SUMF2: variants seen among roughly 807,000 people sequenced by gnomAD.
SUMF2 encodes inactive C-alpha-formylglycine-generating enzyme 2.
Under a neutral mutation model 44.8 loss-of-function variants are expected in SUMF2, and 45 were observed. That is an observed-to-expected ratio of 1.00 (90% CI 0.79 to 1.29). The LOEUF (loss-of-function observed/expected upper bound fraction) is 1.29. Among genes scored for constraint, SUMF2 ranks in the 50% most tolerant of loss-of-function variants. The pLI is 0.00. For missense variants in SUMF2, 418 were observed against 389.9 expected, an observed-to-expected ratio of 1.07 and a Z score of -0.61; for synonymous variants, 148 against 150.4, an observed-to-expected ratio of 0.98 and a Z score of 0.12.
chr7:56,082,430 T>C (rs1019675121), downstream of SUMF2, among the ~76,000 whole-genome samples: 2 of 151,924 alleles, frequency 1.3e-5, no homozygotes, highest in Non-Finnish European at 2.9e-5. Context: ...CCATCTCTAC[T>C]AAAAATACAA....
At chr7:56,085,203 C>T (rs1426462691), downstream of SUMF2, among the ~76,000 whole-genome samples, 3 of 152,218 alleles carry the variant, frequency 2.0e-5, no homozygotes, top group East Asian at 1.9e-4. Flanking sequence ...TCATCTGATC[C>T]GCCTGCCTCA....
At chr7:56,082,239 G>T (rs541582462), downstream of SUMF2, 1 of 1,613,406 alleles carries the variant, frequency 6.2e-7, no homozygotes, top group Admixed American at 1.7e-5. Context: ...AGGTAACTGG[G>T]GGTCCCGCAG....
chr7:56,073,202 G>C (rs1201465676), intron 3 of SUMF2, 91 bp downstream of exon 3: 25 of 978,454 alleles, frequency 2.6e-5, no homozygotes, highest in Non-Finnish European at 4.1e-5. Flanking sequence ...ACACAGTGGA[G>C]AATCAGACCT....
intron 6 of SUMF2, among the ~76,000 whole-genome samples, chr7:56,077,465 C>T (rs367624882): frequency 6.6e-6 from 1 of 150,376 alleles, no homozygotes; most frequent in Non-Finnish European, 1.5e-5. Flanking sequence ...AGTTCAAGAC[C>T]AGCCTGGCCA....
At chr7:56,078,060 G>A in intron 6 of SUMF2, 42 bp from the exon 7 acceptor site, 3 of 1,555,024 alleles carry the variant, frequency 1.9e-6, no homozygotes, top group Middle Eastern at 1.7e-4. Flanking sequence ...GACCTGCTTT[G>A]GGACAGGTGG....
chr7:56,078,775 T>C (rs938628430), intron 8 of SUMF2: 7 of 441,432 alleles, frequency 1.6e-5, no homozygotes, highest in African/African-American at 4.0e-5. Flanking sequence ...ATCTTAATTA[T>C]GGGGTTTCTC....
intron 1 of SUMF2, among the ~76,000 whole-genome samples, chr7:56,065,476 A>G (rs569607255): frequency 5.6e-4 from 85 of 152,224 alleles, no homozygotes; most frequent in Non-Finnish European, 1.1e-3. Flanking sequence ...ATTATCTCAT[A>G]AATGGTTTTT....
At position 56,078,089 on chromosome 7, in the gene SUMF2, T is replaced by C; in HGVS notation, c.592-13T>C. The C allele has an allele frequency of 6.2e-7, 1 of 1,605,186 alleles. No homozygotes were observed. Among genetic ancestry groups the C allele is most frequent in the Non-Finnish European group, 8.5e-7 (1 of 1,173,036 alleles). On this transcript the variant is annotated splice_polypyrimidine_tract_variant and intron_variant, in intron 6 of 8. Coordinates refer to ENST00000434526, the MANE Select transcript of SUMF2 (RefSeq NM_015411.4). ...CAGGTGGTAAATCCTTTACCCTTCC[T>C]TTCTCCCATCAGGGAAAGTTCCCCA...
chr7:56,073,768 T>G (rs1795338827), intron 3 of SUMF2: 1 of 200,892 alleles, frequency 5.0e-6, no homozygotes, highest in Non-Finnish European at 1.0e-5. Flanking sequence ...CCCAGCACTT[T>G]GGGAGGCCGA....
chr7:56,087,943 G>A, the SUMF2 span, among the ~76,000 whole-genome samples: 1 of 150,092 alleles, frequency 6.7e-6, no homozygotes, highest in African/African-American at 2.4e-5. Flanking sequence ...GCACAGACAG[G>A]TGATTTGCCC....
At chr7:56,066,327 A>G (rs1794797333) in intron 1 of SUMF2, among the ~76,000 whole-genome samples, 1 of 150,012 alleles carries the variant, frequency 6.7e-6, no homozygotes, top group African/African-American at 2.5e-5. Flanking sequence ...AGCACCGTAA[A>G]GAGACCTAAA....
chr7:56,082,010 G>A (rs749246204), downstream of SUMF2: 39 of 1,613,778 alleles, frequency 2.4e-5, no homozygotes, highest in South Asian at 1.4e-4. Context: ...GCGGGGAGCC[G>A]GCCAGCAGCG....
At chr7:56,081,447 C>A, downstream of SUMF2, 1 of 1,287,932 alleles carries the variant, frequency 7.8e-7, no homozygotes, top group Admixed American at 2.3e-5. This position sits in a 1 kb window ranked among gnomAD's most constrained non-coding sequence, Gnocchi z 4.6. Context: ...CCCACTTGGC[C>A]AGCATCCTCA....
downstream of SUMF2, among the ~76,000 whole-genome samples, chr7:56,082,630 T>C (rs1234275152): frequency 6.6e-6 from 1 of 150,756 alleles, no homozygotes; most frequent in Non-Finnish European, 1.5e-5. Flanking sequence ...ACAATGGAGA[T>C]GATGGAACAG....
downstream of SUMF2, chr7:56,081,830 CCCGG>C (rs1398359427): frequency 2.3e-5 from 37 of 1,608,932 alleles, no homozygotes; most frequent in Non-Finnish European, 3.0e-5. This position sits in a 1 kb window ranked among gnomAD's most constrained non-coding sequence, Gnocchi z 4.6. Flanking sequence ...GCAGGGCCTC[CCCGG>C]GCAGGGGCGC....
At position 56,076,120 on chromosome 7, in the gene SUMF2, G is replaced by T. The variant is rs186800065; in HGVS notation, c.536-714G>T. On this transcript the variant is annotated intron_variant, in intron 5 of 8. Coordinates refer to ENST00000434526, the MANE Select transcript of SUMF2 (RefSeq NM_015411.4). ...CGGCTCACTGCAAGCTCCGCCTCCC[G>T]GGTTCACGCCATTCTCCTGCCTCAG... 9.4e-3 allele frequency among the ~76,000 whole-genome samples: 1,421 copies of T among 151,346 alleles called. 21 individuals are homozygous for T. Among genetic ancestry groups the T allele is most frequent in the African/African-American group, 0.032 (1,319 of 41,152 alleles).
downstream of SUMF2, chr7:56,082,238 G>A (rs758449839): frequency 1.2e-6 from 2 of 1,613,486 alleles, no homozygotes; most frequent in Non-Finnish European, 1.7e-6. Context: ...CAGGTAACTG[G>A]GGGTCCCGCA....
intron 8 of SUMF2, 94 bp from the exon 9 acceptor site, chr7:56,079,434 A>G (rs1795823457): frequency 1.7e-5 from 22 of 1,278,714 alleles, no homozygotes; most frequent in South Asian, 1.4e-4. Flanking sequence ...CTCCCTGATC[A>G]TGGCCGGCCC....
chr7:56,069,132 C>T (rs1795004944), intron 2 of SUMF2, among the ~76,000 whole-genome samples: 1 of 152,138 alleles, frequency 6.6e-6, no homozygotes, highest in Non-Finnish European at 1.5e-5. Context: ...GACTGACTCT[C>T]TCAGTTAGTG....
Sources: gnomAD v4.1 joint callset for allele counts (sites outside exome capture counted in the v4.1 genomes callset) on GRCh38, gnomAD v4.1.1 for gene constraint, Gnocchi (gnomAD v3.1) non-coding constraint, MANE v1.5 for transcripts, NCBI Gene and HGNC (gene_info 2026-07-23, HGNC 2026-07-21) for gene names.